The following BCLAF3 variants were observed in gnomAD, a reference collection of about 807,000 sequenced individuals.
BCLAF3 encodes transient octamer binding factor 1.
Under a neutral mutation model 51.2 loss-of-function variants are expected in BCLAF3, and 24 were observed. The ratio of observed to expected loss-of-function variants is 0.47; its 90% confidence interval spans 0.34 to 0.66. The LOEUF is 0.66. Among genes scored for constraint, BCLAF3 ranks in the 30% least tolerant of loss-of-function variants. The pLI is 0.01. For synonymous variants in BCLAF3, 152 were observed against 176.6 expected, an observed-to-expected ratio of 0.86 and a Z score of 1.10; for missense variants, 465 against 525.1, an observed-to-expected ratio of 0.89 and a Z score of 1.12.
In BCLAF3 at chrX:19,976,837, A is replaced by AT. The variant is rs371783295; in HGVS notation, c.-34-6540dup. On this transcript the variant is annotated intron_variant, in intron 1 of 11. Coordinates refer to ENST00000379682, the MANE Select transcript of BCLAF3 (RefSeq NM_001367774.2). The stretch of plus-strand genomic sequence containing the variant: ...ATACTGCATTTTTTACAAATGCAGA[A>AT]TTTTTTACTATGCAGGGTTTGTGGC... 7.2e-3 allele frequency among the ~76,000 whole-genome samples: 811 copies of AT among 112,220 alleles called. 9 individuals carry two copies. The highest frequency in any genetic ancestry group is 0.025 in the African/African-American group (765 of 30,906).
chrX:19,984,072 C>CAAAA (rs1168246147), intron 1 of BCLAF3, among the ~76,000 whole-genome samples: 50 of 15,405 alleles, frequency 3.2e-3, no homozygotes, highest in Non-Finnish European at 3.7e-3. Context: ...GACTCCATCT[C>CAAAA]AAAAAAAAAA....
intron 11 of BCLAF3, among the ~76,000 whole-genome samples, chrX:19,918,524 C>A (rs756038007): frequency 1.9e-5 from 2 of 104,994 alleles, no homozygotes; most frequent in South Asian, 8.6e-4. Flanking sequence ...AAAAGCCCCC[C>A]CAACCCGGCC....
intron 8 of BCLAF3, among the ~76,000 whole-genome samples, chrX:19,941,621 A>G (rs1395589878): frequency 1.4e-4 from 15 of 109,249 alleles, no homozygotes; most frequent in Admixed American, 1.4e-3. Context: ...GTTCTGTTCC[A>G]TTGATCTGTA....
chrX:19,971,901 C>G (rs374256654), intron 1 of BCLAF3, among the ~76,000 whole-genome samples: 9 of 112,151 alleles, frequency 8.0e-5, no homozygotes, highest in Admixed American at 6.6e-4. Flanking sequence ...CCCACAGATA[C>G]AAAAAGTACA....
At chrX:19,952,894 A>G in intron 7 of BCLAF3, 94 bp downstream of exon 7, 1 of 653,060 alleles carries the variant, frequency 1.5e-6, no homozygotes, top group East Asian at 3.4e-5. Flanking sequence ...TTCTTCATGT[A>G]CTTTAACTCC....
intron 10 of BCLAF3, among the ~76,000 whole-genome samples, chrX:19,935,183 C>CAAA (rs746668820): frequency 1.4e-5 from 1 of 70,259 alleles, no homozygotes; most frequent in Non-Finnish European, 2.8e-5. Flanking sequence ...GACTCCATCT[C>CAAA]AAAAAAAAAA....
intron 6 of BCLAF3, 26 bp from the exon 7 acceptor site, chrX:19,953,077 CTAAA>C (rs2071546284): frequency 9.2e-7 from 1 of 1,085,659 alleles, no homozygotes; most frequent in African/African-American, 1.8e-5. Flanking sequence ...CATAGTACAA[CTAAA>C]TAATTATGTT....
At position 19,930,263 on chromosome X, in the gene BCLAF3, G is replaced by A. The variant is rs141209277; in HGVS notation, c.1951-323C>T. On this transcript the variant is annotated intron_variant, in intron 10 of 11. Transcript: ENST00000379682. ...GAGGCGGACGTTGCAGCGAGTCACT[G>A]TTCTCTATGCTTGAAAAGTACAAAA... The A allele has an allele frequency of 4.0e-5, 6 of 148,199 alleles. 1 individual carries two copies. In the East Asian group the frequency reaches 1.0e-3, roughly 26 times the overall value. 12.2% of individuals were successfully genotyped at this position (148,199 alleles called of 1,213,427 possible). A position where few individuals can be genotyped will look rare whatever the true frequency, so the allele number is the denominator to read the frequency against.
At chrX:19,988,143 T>C (rs2072862772) in intron 1 of BCLAF3, among the ~76,000 whole-genome samples, 1 of 112,183 alleles carries the variant, frequency 8.9e-6, no homozygotes, top group Non-Finnish European at 1.9e-5. Flanking sequence ...GCCTGGATAA[T>C]GTAGCCTGCA....
intron 8 of BCLAF3, among the ~76,000 whole-genome samples, chrX:19,941,072 T>C (rs1193750621): frequency 1.8e-5 from 2 of 110,825 alleles, no homozygotes; most frequent in African/African-American, 6.7e-5. Flanking sequence ...ATGTCTTCTT[T>C]TGAGAAGTGT....
rs1355125357 is a variant in BCLAF3, at chrX:19,970,170, T to C, written c.41+54A>G. The C allele has an allele frequency of 2.2e-5, 24 of 1,068,867 alleles. No homozygotes were observed. In the Admixed American group the frequency reaches 2.4e-4, roughly 11 times the overall value. The allele number at this position is 1,068,867 out of a possible 1,213,427, so 88.1% of individuals were successfully genotyped here. On this transcript the variant is annotated intron_variant, in intron 2 of 11. Transcript: ENST00000379682. ...TAAGTGTTTACTAGTACTGGTGAAA[T>C]TGAAAGTCACAGCACATCCCAAATC...
rs761787874 is a variant in BCLAF3, at chrX:19,965,164, G to A, written c.1154C>T (p.Ser385Phe). 3.3e-5 allele frequency: 40 copies of A among 1,207,847 alleles called. No homozygotes were observed. In the South Asian group the frequency reaches 7.2e-4, roughly 22 times the overall value. Reference protein sequence around the residue: ...KEGDCRKESNSSSNQLDKSQK... With the variant: ...KEGDCRKESNFSSNQLDKSQK... The stretch of plus-strand genomic sequence containing the variant: ...ACTTTTATCAAGTTGGTTACTGGAA[G>A]AATTGCTCTCTTTTCTACAATCCCC... Residue 385 changes from serine (S) to phenylalanine (F), a missense_variant, in exon 4 of 12, where the codon TCT becomes TTT. Ser to Phe is a radical substitution (Grantham distance 155, BLOSUM62 -2). Coordinates refer to ENST00000379682, the MANE Select transcript of BCLAF3 (RefSeq NM_001367774.2).
chrX:19,936,270 G>A (rs1004703428), intron 9 of BCLAF3, among the ~76,000 whole-genome samples: 1 of 112,061 alleles, frequency 8.9e-6, no homozygotes, highest in Non-Finnish European at 1.9e-5. Flanking sequence ...GGTTCCTACT[G>A]CCTAAGAAGA....
At chrX:19,928,122 A>T (rs1306037974) in intron 11 of BCLAF3, among the ~76,000 whole-genome samples, 1 of 107,033 alleles carries the variant, frequency 9.3e-6, no homozygotes, top group Non-Finnish European at 1.9e-5. Flanking sequence ...GGCTCAAGCG[A>T]TCCTCTCTCC....
At chrX:19,975,553 A>G (rs989202945) in intron 1 of BCLAF3, among the ~76,000 whole-genome samples, 4 of 111,637 alleles carry the variant, frequency 3.6e-5, no homozygotes, top group Non-Finnish European at 5.6e-5. Flanking sequence ...CACGTTGGCC[A>G]GGCTGGTCCT....
intron 4 of BCLAF3, among the ~76,000 whole-genome samples, chrX:19,963,711 TA>T (rs779494179): frequency 1.9e-4 from 21 of 111,706 alleles, no homozygotes; most frequent in Admixed American, 1.0e-3. Context: ...TTGCCATGTC[TA>T]AATTTAAGAA....
chrX:19,968,776 G>C lies in BCLAF3; in HGVS notation c.41+1448C>G, dbSNP rs536658282. Among the ~76,000 whole-genome samples, 4 of 112,879 alleles carry C rather than the reference G, an allele frequency of 3.5e-5. No individual in the cohort carries two copies. The South Asian group carries it at 1.1e-3, about 31-fold the overall frequency. On this transcript the variant is annotated intron_variant, in intron 2 of 11. Transcript: ENST00000379682. The stretch of plus-strand genomic sequence containing the variant: ...TGGAACTCAGGCACTAAGCTTGGCA[G>C]GGTCTCTTGTGCCCCTCATCAGCGC...
chrX:19,922,397 A>G (rs773057438), intron 11 of BCLAF3, among the ~76,000 whole-genome samples: 1 of 111,899 alleles, frequency 8.9e-6, no homozygotes, highest in Admixed American at 9.5e-5. Flanking sequence ...CTTGAATACT[A>G]TATTATTCTA....
Position 19,916,602 on chromosome X carries a change from G to T in BCLAF3, c.*703C>A, listed in dbSNP as rs2069943716. ...CAAGCTTGCCCTGAGGGAAAAATAAGATGGACTATAGATTACAAAATCTTT... is the reference window on the plus strand; with the variant it reads ...CAAGCTTGCCCTGAGGGAAAAATAATATGGACTATAGATTACAAAATCTTT... On this transcript the variant is annotated 3_prime_UTR_variant, in exon 12 of 12. Transcript: ENST00000379682. The T allele has an allele frequency of 8.9e-6, 1 of 112,375 alleles. No homozygotes were observed. The highest frequency in any genetic ancestry group is 9.5e-5 in the Admixed American group (1 of 10,498). 9.3% of individuals were successfully genotyped at this position (112,375 alleles called of 1,213,427 possible). A position where few individuals can be genotyped will look rare whatever the true frequency, so the allele number is the denominator to read the frequency against.
Sources: gnomAD v4.1 joint callset for allele counts (sites outside exome capture counted in the v4.1 genomes callset) on GRCh38, gnomAD v4.1.1 for gene constraint, MANE v1.5 for transcripts, NCBI Gene and HGNC (gene_info 2026-07-23, HGNC 2026-07-21) for gene names.